The following TENM3 variants were observed in gnomAD, a reference collection of about 807,000 sequenced individuals.
TENM3 encodes the protein teneurin transmembrane protein 3.
Under a neutral mutation model 255.1 loss-of-function variants are expected in TENM3, and 63 were observed. The observed-to-expected ratio is 0.25, with a 90% CI of 0.20 to 0.30. The LOEUF is 0.30. Ranked by LOEUF, TENM3 falls within the 10% of genes least tolerant of loss-of-function variation. TENM3 has a pLI of 1.00. For missense variants in TENM3, 2,929 were observed against 3,461.1 expected (o/e 0.85, Z 3.86); for synonymous variants, 1,306 against 1,322.3 (o/e 0.99, Z 0.27).
At chr4:181,740,303 A>C in the TENM3 span, among the ~76,000 whole-genome samples, 1 of 152,194 alleles carries the variant, frequency 6.6e-6, no homozygotes, top group South Asian at 2.1e-4. Context: ...ATATCTTAAC[A>C]ATTATGAAAA....
the TENM3 span, among the ~76,000 whole-genome samples, chr4:181,572,652 C>T: frequency 2.6e-5 from 4 of 152,082 alleles, no homozygotes; most frequent in Non-Finnish European, 5.9e-5. Context: ...ATGAAATACT[C>T]GCTACAGGCA....
chr4:181,710,592 G>A, the TENM3 span, among the ~76,000 whole-genome samples: 2 of 152,056 alleles, frequency 1.3e-5, no homozygotes, highest in East Asian at 1.9e-4. Context: ...GCAGGTGCCT[G>A]TAGTCCCAGC....
At chr4:181,477,244 TTGAGA>T in the TENM3 span, among the ~76,000 whole-genome samples, 3 of 152,138 alleles carry the variant, frequency 2.0e-5, no homozygotes, top group Non-Finnish European at 4.4e-5. Context: ...AAATAAGAAC[TTGAGA>T]TGAGAAGAAG....
the TENM3 span, among the ~76,000 whole-genome samples, chr4:181,620,030 G>A: frequency 6.6e-6 from 1 of 152,126 alleles, no homozygotes; most frequent in South Asian, 2.1e-4. Context: ...GGAGGCCGAG[G>A]CAGGCAGATC....
the TENM3 span, among the ~76,000 whole-genome samples, chr4:181,791,734 G>A: frequency 6.6e-6 from 1 of 152,138 alleles, no homozygotes; most frequent in African/African-American, 2.4e-5. Context: ...GCAGGTAACT[G>A]TGGTCCCTGC....
At chr4:181,457,800 C>T in the TENM3 span, among the ~76,000 whole-genome samples, 1 of 151,916 alleles carries the variant, frequency 6.6e-6, no homozygotes, top group Non-Finnish European at 1.5e-5. Flanking sequence ...GTATCCTGTT[C>T]AGATTATATA....
chr4:182,389,713 T>C (rs1478235941), intron 3 of TENM3, among the ~76,000 whole-genome samples: 3 of 64,282 alleles, frequency 4.7e-5, no homozygotes, highest in African/African-American at 1.4e-4. Flanking sequence ...TGAGACGGAG[T>C]CTCGCTCTGT....
chr4:182,063,057 A>C, the TENM3 span, among the ~76,000 whole-genome samples: 2 of 152,228 alleles, frequency 1.3e-5, no homozygotes, highest in Non-Finnish European at 2.9e-5. Flanking sequence ...ACAATCACAA[A>C]GAAAAAGTTA....
At chr4:181,636,121 C>T in the TENM3 span, among the ~76,000 whole-genome samples, 2 of 152,108 alleles carry the variant, frequency 1.3e-5, no homozygotes, top group Non-Finnish European at 2.9e-5. Flanking sequence ...TCTCAGCTCA[C>T]TACAACCTCC....
At chr4:181,509,358 C>T in the TENM3 span, among the ~76,000 whole-genome samples, 17 of 151,900 alleles carry the variant, frequency 1.1e-4, no homozygotes, top group South Asian at 3.3e-3. Flanking sequence ...TATTACTCTC[C>T]TAAAATTATG....
At chr4:182,697,686 T>TA (rs1296181845) in intron 12 of TENM3, among the ~76,000 whole-genome samples, 1 of 152,176 alleles carries the variant, frequency 6.6e-6, no homozygotes. Context: ...AGCTATCCAC[T>TA]GGGGGCCTTC....
intron 3 of TENM3, among the ~76,000 whole-genome samples, chr4:182,451,020 A>G (rs543492775): frequency 3.7e-4 from 56 of 152,300 alleles, no homozygotes; most frequent in African/African-American, 1.3e-3. Context: ...ATGACATGGC[A>G]GTTTGATTTC....
intron 3 of TENM3, among the ~76,000 whole-genome samples, chr4:182,430,334 G>A (rs1771529072): frequency 6.6e-6 from 1 of 152,056 alleles, no homozygotes; most frequent in Non-Finnish European, 1.5e-5. Context: ...GGATCACGAG[G>A]TCAGGACATC....
chr4:181,777,923 A>G, the TENM3 span, among the ~76,000 whole-genome samples: 1 of 152,068 alleles, frequency 6.6e-6, no homozygotes, highest in Non-Finnish European at 1.5e-5. Flanking sequence ...ACACTCTAAA[A>G]TACAGCTAGT....
intron 3 of TENM3, among the ~76,000 whole-genome samples, chr4:182,445,005 C>T (rs1364283836): frequency 6.6e-6 from 1 of 152,124 alleles, no homozygotes; most frequent in Non-Finnish European, 1.5e-5. Flanking sequence ...GATGGGGTTT[C>T]ACTATGTTGG....
At chr4:182,776,126 A>G (rs759624279) in intron 24 of TENM3, among the ~76,000 whole-genome samples, 5 of 152,196 alleles carry the variant, frequency 3.3e-5, no homozygotes, top group Non-Finnish European at 7.3e-5. Flanking sequence ...GTACTTTGAA[A>G]ATAGGCTGGG....
chr4:181,527,100 C>T, the TENM3 span, among the ~76,000 whole-genome samples: 1 of 152,178 alleles, frequency 6.6e-6, no homozygotes, highest in Non-Finnish European at 1.5e-5. Context: ...TGTGTTTGCA[C>T]AGAGACCAGC....
chr4:182,692,197 T>C (rs1211148330), intron 12 of TENM3, among the ~76,000 whole-genome samples: 10 of 152,204 alleles, frequency 6.6e-5, no homozygotes, highest in Admixed American at 6.5e-4. Context: ...AGGGAAAATC[T>C]CCTATGGGAC....
the TENM3 span, among the ~76,000 whole-genome samples, chr4:181,767,076 T>TC: frequency 8.3e-6 from 1 of 120,676 alleles, no homozygotes; most frequent in Non-Finnish European, 1.7e-5. Flanking sequence ...CAAGGGGAAA[T>TC]CCCGTCTCTA....
Sources: allele counts gnomAD v4.1 joint callset (sites outside exome capture counted in the v4.1 genomes callset), GRCh38; gene constraint gnomAD v4.1.1; transcripts MANE v1.5; gene names NCBI Gene and HGNC (gene_info 2026-07-23, HGNC 2026-07-21).